DPYSL5: variants seen among roughly 807,000 people sequenced by gnomAD.
DPYSL5 encodes the protein dihydropyrimidinase-related protein 5.
Under a neutral mutation model 58.4 loss-of-function variants are expected in DPYSL5, and 9 were observed. That is an observed-to-expected ratio of 0.15 (90% CI 0.09 to 0.27). The LOEUF (loss-of-function observed/expected upper bound fraction) is 0.27. Ranked by LOEUF, DPYSL5 falls within the 10% of genes least tolerant of loss-of-function variation. The pLI is 1.00. For synonymous variants in DPYSL5, 293 were observed against 301.9 expected, an observed-to-expected ratio of 0.97 and a Z score of 0.31; for missense variants, 499 against 770.6, an observed-to-expected ratio of 0.65 and a Z score of 4.17.
chr2:26,912,501 TC>T lies in DPYSL5; in HGVS notation c.262-12383del, dbSNP rs371130799. ...ATCATGGCCTGCTGGCCTGTAAACG[TC>T]CCTTTTTGGGGTTAGAAGGGGTTTT... On this transcript the variant is annotated intron_variant, in intron 2 of 12. Coordinates refer to ENST00000288699, the MANE Select transcript of DPYSL5 (RefSeq NM_020134.4). 4.5e-3 allele frequency among the ~76,000 whole-genome samples: 686 copies of T among 152,280 alleles called. 6 individuals are homozygous for T. The highest frequency in any genetic ancestry group is 0.016 in the African/African-American group (655 of 41,552).
At chr2:26,867,459 G>GTTT (rs5830029) in intron 1 of DPYSL5, among the ~76,000 whole-genome samples, 5 of 128,778 alleles carry the variant, frequency 3.9e-5, no homozygotes, top group Non-Finnish European at 4.9e-5. Flanking sequence ...TTTTTTGTTT[G>GTTT]TTTTTTTTTT....
At position 26,895,775 on chromosome 2, in the gene DPYSL5, CT is replaced by C. The variant is rs869030530; in HGVS notation, c.-4-2698del. ...ACCATTCTGTTCTCTATTTCTTTTT[CT>C]TTTTTTTTTTTTTTTTTTTTTTGAG... On this transcript the variant is annotated intron_variant, in intron 1 of 12. Coordinates refer to ENST00000288699, the MANE Select transcript of DPYSL5 (RefSeq NM_020134.4). Among the ~76,000 whole-genome samples the C allele has an allele frequency of 5.1e-3, 516 of 101,110 alleles. 1 individual carries two copies. The highest frequency in any genetic ancestry group is 6.8e-3 in the Non-Finnish European group (344 of 50,944). The allele number at this position is 101,110 out of a possible 152,430, so 66.3% of individuals were successfully genotyped here. A position where few individuals can be genotyped will look rare whatever the true frequency, so the allele number is the denominator to read the frequency against.
At chr2:26,861,330 G>T (rs1572671966) in intron 1 of DPYSL5, among the ~76,000 whole-genome samples, 1 of 152,328 alleles carries the variant, frequency 6.6e-6, no homozygotes, top group East Asian at 1.9e-4. Flanking sequence ...GGACACAGAA[G>T]ATGAGAAGCA....
intron 2 of DPYSL5, among the ~76,000 whole-genome samples, chr2:26,918,579 C>G (rs890603830): frequency 3.3e-5 from 5 of 152,054 alleles, no homozygotes; most frequent in Non-Finnish European, 7.4e-5. Context: ...AGAGGCAGAT[C>G]CATCCGAACA....
chr2:26,886,050 T>C (rs1663710729), intron 1 of DPYSL5, among the ~76,000 whole-genome samples: 1 of 152,144 alleles, frequency 6.6e-6, no homozygotes, highest in Non-Finnish European at 1.5e-5. Flanking sequence ...AGTAGAATGG[T>C]CCAGTGGGCA....
chr2:26,920,722 A>G (rs1664680572), intron 2 of DPYSL5, among the ~76,000 whole-genome samples: 1 of 152,202 alleles, frequency 6.6e-6, no homozygotes, highest in Non-Finnish European at 1.5e-5. Flanking sequence ...CCAAGATTGC[A>G]CCACTGCACT....
intron 2 of DPYSL5, among the ~76,000 whole-genome samples, chr2:26,912,804 C>T (rs1664475185): frequency 6.6e-6 from 1 of 152,254 alleles, no homozygotes; most frequent in Admixed American, 6.5e-5. Flanking sequence ...TGGCACAATT[C>T]TCAGTTTTCG....
At chr2:26,937,742 TTTTGTTTGTTTGTTTG>T (rs59337750) in intron 8 of DPYSL5, among the ~76,000 whole-genome samples, 6 of 149,098 alleles carry the variant, frequency 4.0e-5, no homozygotes, top group Non-Finnish European at 8.9e-5. Flanking sequence ...CTGGCTAGTT[TTTTGTTTGTTTGTTTG>T]TTTGTTTGTT....
intron 5 of DPYSL5, among the ~76,000 whole-genome samples, chr2:26,931,149 A>AT (rs1332469673): frequency 1.3e-4 from 5 of 39,774 alleles, no homozygotes; most frequent in African/African-American, 3.2e-4. Flanking sequence ...AAAAAAAAAA[A>AT]AAAATATATA....
chr2:26,873,442 A>T (rs1056972074), intron 1 of DPYSL5, among the ~76,000 whole-genome samples: 8 of 152,128 alleles, frequency 5.3e-5, no homozygotes, highest in African/African-American at 1.7e-4. Context: ...CAATGTCTGG[A>T]GACATTTTTG....
chr2:26,933,416 T>C lies in DPYSL5; in HGVS notation c.790+83T>C. 2 of 1,335,426 alleles carry C rather than the reference T, an allele frequency of 1.5e-6. No individual in the cohort carries two copies. The highest frequency in any genetic ancestry group is 3.5e-5 in the Admixed American group (2 of 57,102). The allele number at this position is 1,335,426 out of a possible 1,614,324, so 82.7% of individuals were successfully genotyped here. A position where few individuals can be genotyped will look rare whatever the true frequency, so the allele number is the denominator to read the frequency against. ...GGGGCCCATTAGCCGTGCTCACTCC[T>C]GGCCCCGGCTCCTGAAACCAGGACC... On this transcript the variant is annotated intron_variant, in intron 7 of 12. Transcript: ENST00000288699. The surrounding 1 kb of genome is among the most constrained non-coding windows in gnomAD (Gnocchi z 4.2).
chr2:26,903,315 C>T (rs1400721605), intron 2 of DPYSL5, among the ~76,000 whole-genome samples: 1 of 152,180 alleles, frequency 6.6e-6, no homozygotes, highest in Non-Finnish European at 1.5e-5. Context: ...CGTGATCCAC[C>T]CGCTTCGGCC....
chr2:26,855,181 G>T (rs1665848160), intron 1 of DPYSL5, among the ~76,000 whole-genome samples: 1 of 150,618 alleles, frequency 6.6e-6, no homozygotes. Context: ...TGAAATCCCA[G>T]CACTTTGGGA....
chr2:26,910,015 A>G (rs1401986407), intron 2 of DPYSL5, among the ~76,000 whole-genome samples: 2 of 152,214 alleles, frequency 1.3e-5, no homozygotes, highest in Admixed American at 1.3e-4. Context: ...GTGTTCCTGT[A>G]ATTTTCCCCC....
intron 1 of DPYSL5, among the ~76,000 whole-genome samples, chr2:26,880,091 C>T (rs543557696): frequency 4.1e-4 from 63 of 152,080 alleles, no homozygotes; most frequent in Non-Finnish European, 6.8e-4. Context: ...AGTCTCACTA[C>T]GCTGCCCAGG....
intron 5 of DPYSL5, among the ~76,000 whole-genome samples, chr2:26,931,137 TAAAAAAAA>T (rs61652873): frequency 0.092 from 4,577 of 49,674 alleles, 600 homozygotes; most frequent in African/African-American, 0.26. Flanking sequence ...AGACCCTATC[TAAAAAAAA>T]AAAAAAAATA....
At chr2:26,900,954 G>A (rs952679585) in intron 2 of DPYSL5, among the ~76,000 whole-genome samples, 1 of 152,084 alleles carries the variant, frequency 6.6e-6, no homozygotes, top group Non-Finnish European at 1.5e-5. Flanking sequence ...AGCCAAGAGC[G>A]ACTGGTTTTC....
In DPYSL5 at chr2:26,924,402, C is replaced by T. The variant is rs918979261; in HGVS notation, c.262-485C>T. 1.3e-5 allele frequency among the ~76,000 whole-genome samples: 2 copies of T among 152,184 alleles called. No individual in the cohort carries two copies. The highest frequency in any genetic ancestry group is 4.8e-5 in the African/African-American group (2 of 41,438). On this transcript the variant is annotated intron_variant, in intron 2 of 12. Transcript: ENST00000288699. This position sits in a 1 kb window ranked among gnomAD's most constrained non-coding sequence, Gnocchi z 4.7. Reference sequence around the variant, plus strand: ...AACAATATATCCAAATTAACATTTTCTATATCGTGGTTCAAATATACGTGT... The same window carrying T: ...AACAATATATCCAAATTAACATTTTTTATATCGTGGTTCAAATATACGTGT...
intron 2 of DPYSL5, among the ~76,000 whole-genome samples, chr2:26,922,081 C>T (rs951195970): frequency 4.6e-5 from 7 of 152,184 alleles, no homozygotes; most frequent in Non-Finnish European, 1.0e-4. Context: ...ATTGTGTCTA[C>T]CCAGACCCCA....
Sources: allele counts gnomAD v4.1 joint callset (sites outside exome capture counted in the v4.1 genomes callset), GRCh38; gene constraint gnomAD v4.1.1; non-coding constraint Gnocchi (gnomAD v3.1); transcripts MANE v1.5; gene names NCBI Gene and HGNC (gene_info 2026-07-23, HGNC 2026-07-21).